A3GALT2: variants seen among roughly 807,000 people sequenced by gnomAD.
The protein encoded by A3GALT2 is alpha 1,3-galactosyltransferase 2.
In A3GALT2, 14 loss-of-function variants were observed where a neutral mutation model predicts 16.6. That is an observed-to-expected ratio of 0.84 (90% CI 0.56 to 1.32). A3GALT2 has a LOEUF of 1.32. A3GALT2 is among the 40% of genes most tolerant of loss of function. The pLI is 0.00. For missense variants in A3GALT2, 600 were observed against 490.9 expected, an observed-to-expected ratio of 1.22 and a Z score of -2.10; for synonymous variants, 253 against 218.0, an observed-to-expected ratio of 1.16 and a Z score of -1.42.
intron 1 of A3GALT2, among the ~76,000 whole-genome samples, chr1:33,315,528 G>C (rs1004613174): frequency 2.0e-5 from 3 of 152,212 alleles, no homozygotes; most frequent in African/African-American, 7.2e-5. Flanking sequence ...CTGGGTGGCA[G>C]AGGTAGACCC....
chr1:33,312,990 T>C (rs6664593), intron 1 of A3GALT2, 100 bp from the exon 2 acceptor site: 667,680 of 967,220 alleles, frequency 0.69, 233,242 homozygotes, highest in African/African-American at 0.87. Flanking sequence ...TCCAGCCAGC[T>C]GGTTCTTCTG....
chr1:33,311,203 G>C (rs1646231072), intron 4 of A3GALT2, among the ~76,000 whole-genome samples: 1 of 152,140 alleles, frequency 6.6e-6, no homozygotes, highest in Non-Finnish European at 1.5e-5. Context: ...TGTCACTTCA[G>C]GAAGGTCGAC....
intron 2 of A3GALT2, 65 bp from the exon 3 acceptor site, chr1:33,312,655 C>T: frequency 5.4e-6 from 8 of 1,486,892 alleles, no homozygotes; most frequent in Non-Finnish European, 7.3e-6. Context: ...GCCAGGAGCC[C>T]TCTGGCTTTG....
In A3GALT2 at chr1:33,307,302, C is replaced by A. The variant is rs747499514; in HGVS notation, c.487G>T (p.Val163Leu). ...GPGRRLPVER[V>L]ARERRWQDVS... ...TCTTGCCAGCGCCGCTCGCGCGCCA[C>A]GCGCTCCACGGGCAGCCGGCGTCCC... The change falls in exon 5 of 5, where the codon GTG (valine) becomes TTG (leucine). Residue 163 changes from valine to leucine, a missense_variant. Physicochemically the swap from Val to Leu is conservative, Grantham distance 32. Coordinates refer to ENST00000442999, the MANE Select transcript of A3GALT2 (RefSeq NM_001080438.1). 4.1e-6 allele frequency: 6 copies of A among 1,474,630 alleles called. No homozygotes were observed. The highest frequency in any genetic ancestry group is 5.5e-5 in the East Asian group (2 of 36,326). The allele number at this position is 1,474,630 out of a possible 1,614,324, so 91.3% of individuals were successfully genotyped here. A position where few individuals can be genotyped will look rare whatever the true frequency, so the allele number is the denominator to read the frequency against.
At position 33,309,631 on chromosome 1, in the gene A3GALT2, C is replaced by T. The variant is rs191888769; in HGVS notation, c.336-2178G>A. 3.8e-3 allele frequency among the ~76,000 whole-genome samples: 564 copies of T among 149,404 alleles called. 7 individuals are homozygous for T. Among genetic ancestry groups the T allele is most frequent in the African/African-American group, 0.013 (536 of 40,196 alleles). ...ACTCCTCACCTCCCAGACGGGGTGG[C>T]GGTCGGGCAGAGACGCTCCTCAGTT... On this transcript the variant is annotated intron_variant, in intron 4 of 4. Transcript: ENST00000442999.
At position 33,320,502 on chromosome 1, in the gene A3GALT2, C is replaced by T. The variant is rs1646281040; in HGVS notation, c.23+574G>A. ...GACCCACCAGCTCCTCCTGCCCCTC[C>T]TATGCCCCAGCCTGGGAGCCCGTGG... On this transcript the variant is annotated intron_variant, in intron 1 of 4. Coordinates refer to ENST00000442999, the MANE Select transcript of A3GALT2 (RefSeq NM_001080438.1). The surrounding 1 kb of genome is among the most constrained non-coding windows in gnomAD (Gnocchi z 4.3). 6.6e-6 allele frequency among the ~76,000 whole-genome samples: 1 copy of T among 152,012 alleles called. No homozygotes were observed. The highest frequency in any genetic ancestry group is 6.6e-5 in the Admixed American group (1 of 15,124).
intron 1 of A3GALT2, among the ~76,000 whole-genome samples, chr1:33,319,215 A>G (rs1646274418): frequency 6.6e-6 from 1 of 152,208 alleles, no homozygotes; most frequent in African/African-American, 2.4e-5. Flanking sequence ...GGTCACTGGG[A>G]TCAATCGCTG....
chr1:33,318,856 G>T (rs1189689278), intron 1 of A3GALT2, among the ~76,000 whole-genome samples: 1 of 152,166 alleles, frequency 6.6e-6, no homozygotes, highest in Non-Finnish European at 1.5e-5. Flanking sequence ...CACTCATTAT[G>T]CCTCTGCCTC....
At position 33,320,352 on chromosome 1, in the gene A3GALT2, A is replaced by G. The variant is rs954518528; in HGVS notation, c.23+724T>C. Reference sequence around the variant, plus strand: ...CACCCTCTTCACCAGCCTCCTCCCAACCAGGGTAGGGCAAACCGATGCTTA... The same window carrying G: ...CACCCTCTTCACCAGCCTCCTCCCAGCCAGGGTAGGGCAAACCGATGCTTA... On this transcript the variant is annotated intron_variant, in intron 1 of 4. Transcript: ENST00000442999. This position sits in a 1 kb window ranked among gnomAD's most constrained non-coding sequence, Gnocchi z 4.3. 3.9e-5 allele frequency among the ~76,000 whole-genome samples: 6 copies of G among 152,032 alleles called. No homozygotes were observed. The highest frequency in any genetic ancestry group is 1.3e-4 in the Admixed American group (2 of 15,134).
Position 33,312,154 on chromosome 1 carries a change from C to T in A3GALT2, c.233G>A (p.Gly78Glu), listed in dbSNP as rs754793551. The T allele has an allele frequency of 6.2e-7, 1 of 1,613,526 alleles. No individual in the cohort carries two copies. The highest frequency in any genetic ancestry group is 1.1e-5 in the South Asian group (1 of 91,038). Residue 78 changes from glycine (G) to glutamate (E), a missense_variant, in exon 4 of 5, where the codon GGG becomes GAG. Coordinates refer to ENST00000442999, the MANE Select transcript of A3GALT2 (RefSeq NM_001080438.1). Reference sequence around the variant, plus strand: ...AGAGCCATCCCAAATAATGGGAGCCCCCCAGGGGGTACAGGTCAGAACTTC... The same window carrying T: ...AGAGCCATCCCAAATAATGGGAGCCTCCCAGGGGGTACAGGTCAGAACTTC... The part of the protein sequence containing the change: ...RPEVLTCTPW[G>E]APIIWDGSFD...
chr1:33,309,781 G>A (rs1261882106), intron 4 of A3GALT2, among the ~76,000 whole-genome samples: 4 of 151,746 alleles, frequency 2.6e-5, no homozygotes, highest in East Asian at 1.9e-4. Flanking sequence ...CTTCCTAGAC[G>A]GGATGGCGGC....
chr1:33,315,111 G>C (rs900444385), intron 1 of A3GALT2, among the ~76,000 whole-genome samples: 1 of 152,024 alleles, frequency 6.6e-6, no homozygotes, highest in Non-Finnish European at 1.5e-5. Flanking sequence ...GGGGCTGGGC[G>C]TGGTGGCTCA....
chr1:33,311,673 T>C (rs556227862), intron 4 of A3GALT2, among the ~76,000 whole-genome samples: 1 of 152,270 alleles, frequency 6.6e-6, no homozygotes, highest in African/African-American at 2.4e-5. Context: ...CCGAATGCAG[T>C]GAATCATCCC....
At chr1:33,313,725 G>A (rs564986828) in intron 1 of A3GALT2, 2 of 152,358 alleles carry the variant, frequency 1.3e-5, no homozygotes, top group African/African-American at 4.8e-5. Context: ...GTGGTAAGGA[G>A]CACAGACACG....
chr1:33,308,146 G>C (rs1440988674), intron 4 of A3GALT2, among the ~76,000 whole-genome samples: 1 of 142,896 alleles, frequency 7.0e-6, no homozygotes, highest in Non-Finnish European at 1.5e-5. Flanking sequence ...GATGGGGCAG[G>C]GCAGGTTGGA....
intron 1 of A3GALT2, among the ~76,000 whole-genome samples, chr1:33,316,695 C>T (rs1557809892): frequency 1.3e-5 from 2 of 151,906 alleles, no homozygotes; most frequent in South Asian, 2.1e-4. Context: ...ATTTGAGGGA[C>T]GGGGCTGAGG....
Position 33,307,128 on chromosome 1 carries a change from G to A in A3GALT2, c.661C>T (p.His221Tyr). ...EALAESVAQL[H>Y]SWHYHWPSWL... Reference sequence around the variant, plus strand: ...GACGGCCAGTGGTAGTGCCAGGAGTGCAGCTGCGCCACCGACTCGGCCAGC... The same window carrying A: ...GACGGCCAGTGGTAGTGCCAGGAGTACAGCTGCGCCACCGACTCGGCCAGC... The change falls in exon 5 of 5, where the codon CAC becomes TAC. Residue 221 changes from histidine (H) to tyrosine (Y), a missense_variant. Transcript: ENST00000442999. The A allele has an allele frequency of 6.5e-7, 1 of 1,539,660 alleles. No individual in the cohort carries two copies. Among genetic ancestry groups the A allele is most frequent in the South Asian group, 1.2e-5 (1 of 82,392 alleles).
intron 4 of A3GALT2, among the ~76,000 whole-genome samples, chr1:33,309,482 G>A (rs10914680): frequency 0.31 from 47,571 of 151,674 alleles, 8,234 homozygotes; most frequent in African/African-American, 0.47. Context: ...CTGGCCGGGC[G>A]GGGGCTGCCC....
At chr1:33,315,932 C>CG (rs59463354) in intron 1 of A3GALT2, among the ~76,000 whole-genome samples, 1,786 of 151,790 alleles carry the variant, frequency 0.012, 30 homozygotes, top group African/African-American at 0.04. Context: ...TGTAGTTGGG[C>CG]GGGGGGGCAG....
Sources: gnomAD v4.1 joint callset for allele counts (sites outside exome capture counted in the v4.1 genomes callset) on GRCh38, gnomAD v4.1.1 for gene constraint, Gnocchi (gnomAD v3.1) non-coding constraint, MANE v1.5 for transcripts, NCBI Gene and HGNC (gene_info 2026-07-23, HGNC 2026-07-21) for gene names.